Variants in KCNIP4 observed in about 807,000 individuals in gnomAD.
KCNIP4 encodes potassium voltage-gated channel interacting protein 4.
KCNIP4 carries 12 observed loss-of-function variants against 34.0 expected under a neutral mutation model. The observed-to-expected ratio is 0.35, with a 90% CI of 0.23 to 0.57. The LOEUF (loss-of-function observed/expected upper bound fraction) is 0.57, where lower values mean the gene tolerates loss of function less well. Ranked by LOEUF, KCNIP4 falls within the 20% of genes least tolerant of loss-of-function variation. The pLI is 0.83. For missense variants in KCNIP4, 238 were observed against 311.7 expected (o/e 0.76, Z 1.78); for synonymous variants, 124 against 102.2 (o/e 1.21, Z -1.29).
chr4:21,632,271 T>C (rs1266497495), intron 1 of KCNIP4, among the ~76,000 whole-genome samples: 1 of 152,122 alleles, frequency 6.6e-6, no homozygotes, highest in Non-Finnish European at 1.5e-5. Flanking sequence ...TGGAGTGCAA[T>C]GGTGTGATCT....
chr4:21,326,804 G>T (rs1715118972), intron 1 of KCNIP4, among the ~76,000 whole-genome samples: 1 of 151,362 alleles, frequency 6.6e-6, no homozygotes, highest in Non-Finnish European at 1.5e-5. Flanking sequence ...TTTTTTGTGT[G>T]TCTGTTGTAA....
chr4:21,040,116 C>G (rs1220598319), intron 1 of KCNIP4, among the ~76,000 whole-genome samples: 2 of 152,090 alleles, frequency 1.3e-5, no homozygotes, highest in African/African-American at 2.4e-5. Flanking sequence ...GGATGCTGCC[C>G]CCATGATCCA....
intron 1 of KCNIP4, among the ~76,000 whole-genome samples, chr4:21,157,188 TAATA>T (rs1753200358): frequency 6.6e-6 from 1 of 152,148 alleles, no homozygotes; most frequent in South Asian, 2.1e-4. Context: ...CTGGAAATCT[TAATA>T]AATCACTCAG....
intron 1 of KCNIP4, among the ~76,000 whole-genome samples, chr4:21,258,616 TA>T (rs998059250): frequency 1.3e-5 from 2 of 152,274 alleles, no homozygotes; most frequent in Admixed American, 6.5e-5. Flanking sequence ...TTCTGTCAAT[TA>T]CTTGTGCATT....
At chr4:20,942,184 T>A (rs1203790291) in intron 1 of KCNIP4, among the ~76,000 whole-genome samples, 1 of 152,146 alleles carries the variant, frequency 6.6e-6, no homozygotes, top group Non-Finnish European at 1.5e-5. Flanking sequence ...CTCAATGCAT[T>A]CCCTGGCCAC....
intron 1 of KCNIP4, among the ~76,000 whole-genome samples, chr4:21,815,619 T>C (rs1721943466): frequency 6.6e-6 from 1 of 152,108 alleles, no homozygotes; most frequent in Non-Finnish European, 1.5e-5. Context: ...TACAAGTACA[T>C]ACCAAGACAG....
chr4:21,551,742 C>A (rs1265201812), intron 1 of KCNIP4, among the ~76,000 whole-genome samples: 1 of 152,000 alleles, frequency 6.6e-6, no homozygotes, highest in Non-Finnish European at 1.5e-5. Flanking sequence ...GATCTTTAGA[C>A]CTTAGTTCCT....
In KCNIP4 at chr4:21,085,045, A is replaced by T. The variant is rs1746298084; in HGVS notation, c.62-202336T>A. Among the ~76,000 whole-genome samples the T allele has an allele frequency of 3.9e-5, 6 of 152,118 alleles. No homozygotes were observed. The South Asian group carries it at 1.2e-3, about 32-fold the overall frequency. ...ATTCTATACATTAAAAGACCCTCACAATTTGAACCACATTGTATGGACTCA... is the reference window on the plus strand; with the variant it reads ...ATTCTATACATTAAAAGACCCTCACTATTTGAACCACATTGTATGGACTCA... On this transcript the variant is annotated intron_variant, in intron 1 of 8. Transcript: ENST00000382152.
At chr4:20,816,311 C>T (rs1716381019) in intron 3 of KCNIP4, among the ~76,000 whole-genome samples, 2 of 151,714 alleles carry the variant, frequency 1.3e-5, no homozygotes, top group African/African-American at 2.4e-5. Context: ...CATGCTACAC[C>T]ATTAAAATGT....
At chr4:21,073,969 G>T (rs1560697482) in intron 1 of KCNIP4, among the ~76,000 whole-genome samples, 1 of 152,178 alleles carries the variant, frequency 6.6e-6, no homozygotes, top group Non-Finnish European at 1.5e-5. Context: ...AACCAGCCTT[G>T]CATCCCAGGG....
chr4:21,212,136 T>C (rs1475408799), intron 1 of KCNIP4, among the ~76,000 whole-genome samples: 2 of 152,170 alleles, frequency 1.3e-5, no homozygotes, highest in Non-Finnish European at 2.9e-5. Flanking sequence ...CTGCTTTCTT[T>C]CCAATCTCTC....
chr4:21,295,633 A>G (rs1763795212), intron 1 of KCNIP4, among the ~76,000 whole-genome samples: 1 of 152,072 alleles, frequency 6.6e-6, no homozygotes, highest in Admixed American at 6.6e-5. Context: ...CTCTTATCCC[A>G]GACTCTCTCA....
At chr4:21,151,670 A>AG (rs1379696821) in intron 1 of KCNIP4, among the ~76,000 whole-genome samples, 2 of 152,110 alleles carry the variant, frequency 1.3e-5, no homozygotes, top group African/African-American at 4.8e-5. Context: ...ATTGAGGATT[A>AG]GGGCTTCAGC....
chr4:21,452,991 C>T (rs1560420115), intron 1 of KCNIP4, among the ~76,000 whole-genome samples: 1 of 152,108 alleles, frequency 6.6e-6, no homozygotes, highest in Non-Finnish European at 1.5e-5. Flanking sequence ...AGATGAGAGT[C>T]TTGTGGCAAC....
intron 1 of KCNIP4, among the ~76,000 whole-genome samples, chr4:21,612,304 T>G (rs778211812): frequency 5.9e-5 from 9 of 152,202 alleles, no homozygotes; most frequent in Non-Finnish European, 1.2e-4. Flanking sequence ...ACAAAGTTTT[T>G]GTATAGAAAA....
At chr4:21,681,577 G>T (rs1750357945) in intron 1 of KCNIP4, among the ~76,000 whole-genome samples, 1 of 152,182 alleles carries the variant, frequency 6.6e-6, no homozygotes, top group African/African-American at 2.4e-5. Context: ...ACCTCTGCTA[G>T]CTTCAAACTT....
At chr4:21,582,968 C>T (rs116355283) in intron 1 of KCNIP4, among the ~76,000 whole-genome samples, 3,405 of 151,970 alleles carry the variant, frequency 0.022, 137 homozygotes, top group African/African-American at 0.077. Flanking sequence ...CATTGCCTTT[C>T]TCACACTAGC....
chr4:21,827,435 C>T (rs902808793), intron 1 of KCNIP4, among the ~76,000 whole-genome samples: 3 of 151,872 alleles, frequency 2.0e-5, no homozygotes, highest in Non-Finnish European at 2.9e-5. Context: ...TAAGGCTTAA[C>T]AAAATACTTT....
intron 1 of KCNIP4, among the ~76,000 whole-genome samples, chr4:21,288,960 A>G (rs1033611287): frequency 2.0e-5 from 3 of 152,158 alleles, no homozygotes; most frequent in South Asian, 2.1e-4. Context: ...TATAAGGTAA[A>G]TCTTATCCCC....
Sources: allele counts gnomAD v4.1 joint callset (sites outside exome capture counted in the v4.1 genomes callset), GRCh38; gene constraint gnomAD v4.1.1; transcripts MANE v1.5; gene names NCBI Gene and HGNC (gene_info 2026-07-23, HGNC 2026-07-21).